Variants in TEX11 observed in about 807,000 individuals in gnomAD.
TEX11 encodes the protein testis expressed 11, also known as testis-expressed protein 11.
Under a neutral mutation model 84.4 loss-of-function variants are expected in TEX11, and 7 were observed. The observed-to-expected ratio is 0.08, with a 90% CI of 0.05 to 0.16. The LOEUF (loss-of-function observed/expected upper bound fraction) is 0.16, where lower values mean the gene tolerates loss of function less well. Among genes scored for constraint, TEX11 ranks in the 10% least tolerant of loss-of-function variants. The probability of loss-of-function intolerance (pLI) is 1.00; values close to 1 mark genes in which losing one functional copy is unlikely to be tolerated. For synonymous variants in TEX11, 264 were observed against 222.8 expected, an observed-to-expected ratio of 1.18 and a Z score of -1.64; for missense variants, 551 against 660.5, an observed-to-expected ratio of 0.83 and a Z score of 1.82.
chrX:70,688,104 G>A (rs745649405), intron 13 of TEX11, among the ~76,000 whole-genome samples: 8 of 111,076 alleles, frequency 7.2e-5, no homozygotes, highest in Non-Finnish European at 1.5e-4. Flanking sequence ...TCAAATATTT[G>A]GGAAAAAACA....
At chrX:70,683,697 C>T (rs2090164826) in intron 13 of TEX11, among the ~76,000 whole-genome samples, 1 of 111,333 alleles carries the variant, frequency 9.0e-6, no homozygotes, top group Non-Finnish European at 1.9e-5. Context: ...ATGGACTTTG[C>T]TCAAGGGACC....
intron 8 of TEX11, among the ~76,000 whole-genome samples, chrX:70,828,622 G>C (rs2091359557): frequency 1.8e-5 from 2 of 111,303 alleles, no homozygotes; most frequent in South Asian, 7.5e-4. Flanking sequence ...GTAAATCTAA[G>C]ATCCATTGGC....
chrX:70,661,764 G>A (rs2089930299), intron 16 of TEX11, among the ~76,000 whole-genome samples: 1 of 111,693 alleles, frequency 9.0e-6, no homozygotes, highest in South Asian at 3.8e-4. Flanking sequence ...ACAGGGTCTG[G>A]AGTGGACCTC....
chrX:70,584,146 G>A (rs1459616954), intron 25 of TEX11, among the ~76,000 whole-genome samples: 4 of 108,235 alleles, frequency 3.7e-5, no homozygotes, highest in East Asian at 5.8e-4. Context: ...AGCCGGGCGC[G>A]GTGGCGGGCG....
intron 9 of TEX11, among the ~76,000 whole-genome samples, chrX:70,797,298 A>C (rs2091161067): frequency 9.0e-6 from 1 of 111,726 alleles, no homozygotes; most frequent in African/African-American, 3.3e-5. Context: ...AAAGAATGAA[A>C]TCATGTCCTA....
chrX:70,670,983 T>C lies in TEX11; in HGVS notation c.1243-469A>G, dbSNP rs186991606. 2.9e-4 allele frequency among the ~76,000 whole-genome samples: 32 copies of C among 111,893 alleles called. No homozygotes were observed. The East Asian group carries it at 8.3e-3, about 29-fold the overall frequency. On this transcript the variant is annotated intron_variant, in intron 15 of 29. Transcript: ENST00000374333. ...ATGTTCTATTCTTTCCATTTAATTT[T>C]GTTTTGTACATATTAATCTATGTTG...
chrX:70,604,032 G>T (rs2089166429), intron 24 of TEX11, among the ~76,000 whole-genome samples: 1 of 111,687 alleles, frequency 9.0e-6, no homozygotes, highest in Non-Finnish European at 1.9e-5. Context: ...TTATAGAAAG[G>T]TTACTAGTTT....
chrX:70,862,946 G>A (rs2091578746), intron 4 of TEX11, among the ~76,000 whole-genome samples: 1 of 109,029 alleles, frequency 9.2e-6, no homozygotes, highest in South Asian at 4.0e-4. Context: ...GGGGAAGTTC[G>A]GACTGGGCAG....
At chrX:70,679,218 G>A (rs2090107340) in intron 14 of TEX11, among the ~76,000 whole-genome samples, 1 of 112,660 alleles carries the variant, frequency 8.9e-6, no homozygotes, top group African/African-American at 3.2e-5. Context: ...CGGGATTGCA[G>A]ACGGAGTCTC....
intron 11 of TEX11, among the ~76,000 whole-genome samples, chrX:70,731,905 T>A (rs189715494): frequency 0.071 from 7,905 of 111,446 alleles, 236 homozygotes; most frequent in East Asian, 0.13. Flanking sequence ...AAAACCTCAA[T>A]AAAATACTGG....
intron 9 of TEX11, among the ~76,000 whole-genome samples, chrX:70,754,747 G>A (rs867032982): frequency 9.0e-6 from 1 of 110,626 alleles, no homozygotes; most frequent in Admixed American, 9.6e-5. Context: ...GAGAGAGAGA[G>A]AGAGAGAAAG....
chrX:70,646,504 T>C (rs55654588), intron 17 of TEX11, among the ~76,000 whole-genome samples: 12,386 of 111,529 alleles, frequency 0.11, 587 homozygotes, highest in Middle Eastern at 0.19. Context: ...ATCCAAAATA[T>C]ATAAGAAATT....
intron 13 of TEX11, among the ~76,000 whole-genome samples, chrX:70,683,217 C>G (rs1440819701): frequency 8.9e-6 from 1 of 112,103 alleles, no homozygotes; most frequent in Non-Finnish European, 1.9e-5. Context: ...TTTGATTACA[C>G]AAATAATACA....
At chrX:70,703,791 AT>A (rs2090345583) in intron 13 of TEX11, among the ~76,000 whole-genome samples, 1 of 111,794 alleles carries the variant, frequency 8.9e-6, no homozygotes, top group South Asian at 3.7e-4. Flanking sequence ...TCGCACTGCA[AT>A]TAAGAGTACA....
At chrX:70,711,270 G>A (rs779635854) in intron 13 of TEX11, among the ~76,000 whole-genome samples, 44 of 111,592 alleles carry the variant, frequency 3.9e-4, no homozygotes, top group African/African-American at 1.4e-3. Flanking sequence ...TGTCTTTAGA[G>A]CAGCATGATT....
intron 24 of TEX11, among the ~76,000 whole-genome samples, chrX:70,594,506 A>T (rs774735167): frequency 6.3e-5 from 7 of 111,460 alleles, no homozygotes; most frequent in Non-Finnish European, 9.4e-5. Context: ...ATACACATAT[A>T]TGTGAATATA....
chrX:70,517,188 T>C, the TEX11 span, among the ~76,000 whole-genome samples: 2 of 111,830 alleles, frequency 1.8e-5, no homozygotes, highest in Non-Finnish European at 3.8e-5. Flanking sequence ...GAGGGCATCT[T>C]TGTCTGGTGC....
intron 9 of TEX11, among the ~76,000 whole-genome samples, chrX:70,792,669 T>C (rs907115819): frequency 9.3e-6 from 1 of 107,386 alleles, no homozygotes; most frequent in African/African-American, 3.4e-5. Context: ...ACAAAGAAAA[T>C]AGAGAAAGAA....
intron 4 of TEX11, among the ~76,000 whole-genome samples, chrX:70,864,471 C>A (rs1364440758): frequency 2.7e-5 from 3 of 110,212 alleles, no homozygotes; most frequent in Admixed American, 2.0e-4. Context: ...GGTGCAGTGG[C>A]TCACACCTGT....
Sources: gnomAD v4.1 joint callset for allele counts (sites outside exome capture counted in the v4.1 genomes callset) on GRCh38, gnomAD v4.1.1 for gene constraint, MANE v1.5 for transcripts, NCBI Gene and HGNC (gene_info 2026-07-23, HGNC 2026-07-21) for gene names.